NAA15: variants seen among roughly 807,000 people sequenced by gnomAD.
The protein encoded by NAA15 is N-alpha-acetyltransferase 15, NatA auxiliary subunit, also known as N-terminal acetyltransferase.
Under a neutral mutation model 114.0 loss-of-function variants are expected in NAA15, and 34 were observed. The observed-to-expected ratio is 0.30, with a 90% CI of 0.23 to 0.40. The LOEUF (loss-of-function observed/expected upper bound fraction) is 0.40, where lower values mean the gene tolerates loss of function less well. Ranked by LOEUF, NAA15 falls within the 10% of genes least tolerant of loss-of-function variation. NAA15 has a pLI of 1.00. For missense variants in NAA15, 658 were observed against 1,004.5 expected (o/e 0.66, Z 4.66); for synonymous variants, 340 against 338.0 (o/e 1.01, Z -0.06).
intron 1 of NAA15, among the ~76,000 whole-genome samples, chr4:139,315,041 G>GT (rs1560952979): frequency 9.3e-5 from 9 of 96,532 alleles, no homozygotes; most frequent in African/African-American, 2.6e-4. Flanking sequence ...GTTAGGTTAG[G>GT]TTAGGTTAGG....
intron 3 of NAA15, among the ~76,000 whole-genome samples, chr4:139,339,132 C>T (rs1747296568): frequency 6.6e-6 from 1 of 152,126 alleles, no homozygotes; most frequent in African/African-American, 2.4e-5. Context: ...TGAGCTTGAT[C>T]TCAGAAAGAA....
intron 10 of NAA15, among the ~76,000 whole-genome samples, chr4:139,354,422 C>CTGTG (rs991804121): frequency 6.6e-6 from 1 of 151,882 alleles, no homozygotes; most frequent in Admixed American, 6.6e-5. Flanking sequence ...CCTCTGTCCT[C>CTGTG]TGTGTAGCTG....
chr4:139,302,107 T>G, intron 1 of NAA15: 5 of 366,694 alleles, frequency 1.4e-5, no homozygotes, highest in East Asian at 4.2e-5. Flanking sequence ...CCGGTTCTCA[T>G]TCTCCCCGAT....
intron 1 of NAA15, among the ~76,000 whole-genome samples, chr4:139,328,366 C>G (rs2110881961): frequency 6.6e-6 from 1 of 152,048 alleles, no homozygotes; most frequent in Admixed American, 6.6e-5. Context: ...GCCACCACGC[C>G]TGGCTAACTT....
chr4:139,312,634 G>A (rs1458454204), intron 1 of NAA15, among the ~76,000 whole-genome samples: 1 of 151,640 alleles, frequency 6.6e-6, no homozygotes, highest in Non-Finnish European at 1.5e-5. Flanking sequence ...TCTTGAAGTC[G>A]GGAGTTTGAG....
At chr4:139,351,361 G>C in intron 8 of NAA15, 75 bp downstream of exon 8, 1 of 1,127,798 alleles carries the variant, frequency 8.9e-7, no homozygotes, top group Non-Finnish European at 1.3e-6. Context: ...TTAAGTATGA[G>C]TATGCATATT....
chr4:139,318,847 C>CAA (rs112126190), intron 1 of NAA15, among the ~76,000 whole-genome samples: 2 of 133,660 alleles, frequency 1.5e-5, no homozygotes, highest in African/African-American at 2.8e-5. Flanking sequence ...GACCCCATCT[C>CAA]AAAAAAAAAA....
intron 6 of NAA15, 107 bp downstream of exon 6, chr4:139,344,446 T>C: frequency 1.2e-6 from 1 of 845,988 alleles, no homozygotes; most frequent in East Asian, 2.5e-5. Context: ...TTTTTGATGA[T>C]AGGAAATCTA....
chr4:139,381,316 G>A (rs1370600981), intron 17 of NAA15, among the ~76,000 whole-genome samples: 1 of 151,974 alleles, frequency 6.6e-6, no homozygotes, highest in Non-Finnish European at 1.5e-5. Context: ...GTAAAAGATA[G>A]GTGCTTATAT....
chr4:139,329,947 CTA>C (rs1309513199), intron 1 of NAA15, among the ~76,000 whole-genome samples: 1 of 152,208 alleles, frequency 6.6e-6, no homozygotes, highest in Non-Finnish European at 1.5e-5. Flanking sequence ...GGTGGCATTA[CTA>C]GAGCTCATCA....
Position 139,357,495 on chromosome 4 carries a change from T to C in NAA15, c.1197T>C (p.Thr399=). The change falls in exon 11 of 20, where the codon ACT becomes ACC. Residue 399 remains threonine (T), a synonymous_variant. Transcript: ENST00000296543. ...QPSIALEYIN[T]AIESTPTLIE... Reference sequence around the variant, plus strand: ...CTATTGCTTTGGAGTACATAAATACTGCTATTGAAAGTACACCTACATTAA... The same window carrying C: ...CTATTGCTTTGGAGTACATAAATACCGCTATTGAAAGTACACCTACATTAA... 6.2e-7 allele frequency: 1 copy of C among 1,612,304 alleles called. No individual in the cohort carries two copies. The highest frequency in any genetic ancestry group is 1.7e-4 in the Middle Eastern group (1 of 6,054).
intron 9 of NAA15, among the ~76,000 whole-genome samples, chr4:139,352,329 G>C (rs1747804410): frequency 6.6e-6 from 1 of 151,988 alleles, no homozygotes; most frequent in Admixed American, 6.6e-5. Context: ...GGCTGGTCTT[G>C]AACTCCTGAC....
rs532565954 is a variant in NAA15, at chr4:139,351,975, G to C, written c.1014+364G>C. 2.0e-4 allele frequency among the ~76,000 whole-genome samples: 31 copies of C among 151,620 alleles called. 1 individual carries two copies. In the South Asian group the frequency reaches 6.0e-3, roughly 30 times the overall value. On this transcript the variant is annotated intron_variant, in intron 9 of 19. Coordinates refer to ENST00000296543, the MANE Select transcript of NAA15 (RefSeq NM_057175.5). Reference sequence around the variant, plus strand: ...TTTTTTTAACTTAAGTTTTAGCTTAGTCTTCTTTCTCCTTTTTAAATTTGG... The same window carrying C: ...TTTTTTTAACTTAAGTTTTAGCTTACTCTTCTTTCTCCTTTTTAAATTTGG...
At chr4:139,369,955 C>T (rs1221209470) in intron 14 of NAA15, among the ~76,000 whole-genome samples, 1 of 152,000 alleles carries the variant, frequency 6.6e-6, no homozygotes, top group East Asian at 1.9e-4. Flanking sequence ...CAGGTGCATA[C>T]CACCACACCC....
At chr4:139,343,792 A>C (rs1476993112) in intron 5 of NAA15, among the ~76,000 whole-genome samples, 1 of 152,204 alleles carries the variant, frequency 6.6e-6, no homozygotes, top group Admixed American at 6.5e-5. Flanking sequence ...CCTATTGCTC[A>C]TCAAACTTTC....
intron 1 of NAA15, among the ~76,000 whole-genome samples, chr4:139,320,893 C>G (rs978194314): frequency 1.3e-5 from 2 of 152,138 alleles, no homozygotes; most frequent in Admixed American, 1.3e-4. Flanking sequence ...TCAAGCAGTC[C>G]TCCTGCCTGG....
chr4:139,383,284 A>G (rs1370406521), intron 17 of NAA15, among the ~76,000 whole-genome samples: 1 of 152,176 alleles, frequency 6.6e-6, no homozygotes, highest in East Asian at 1.9e-4. Flanking sequence ...ATAGATCAAG[A>G]AATAGGTTCA....
chr4:139,360,679 T>C, intron 13 of NAA15, 51 bp downstream of exon 13: 1 of 1,468,434 alleles, frequency 6.8e-7, no homozygotes, highest in Non-Finnish European at 9.1e-7. Context: ...TCGATGGTTT[T>C]GGACAAATTT....
At chr4:139,317,758 G>A (rs891918907) in intron 1 of NAA15, among the ~76,000 whole-genome samples, 1 of 152,042 alleles carries the variant, frequency 6.6e-6, no homozygotes, top group African/African-American at 2.4e-5. Flanking sequence ...TTGTATAATT[G>A]GATAATTGGT....
Sources: allele counts gnomAD v4.1 joint callset (sites outside exome capture counted in the v4.1 genomes callset), GRCh38; gene constraint gnomAD v4.1.1; transcripts MANE v1.5; gene names NCBI Gene and HGNC (gene_info 2026-07-23, HGNC 2026-07-21).